The following RSPH14 variants were observed in gnomAD, a reference collection of about 807,000 sequenced individuals.
RSPH14 encodes radial spoke head 14 homolog, also known as rhabdoid tumor deletion region gene 1.
In RSPH14, 20 loss-of-function variants were observed where a neutral mutation model predicts 26.7. The observed-to-expected ratio is 0.75, with a 90% CI of 0.53 to 1.09. The LOEUF (loss-of-function observed/expected upper bound fraction) is 1.09, where lower values mean the gene tolerates loss of function less well. RSPH14 is among the 50% of genes least tolerant of loss of function. RSPH14 has a pLI of 0.00. For missense variants in RSPH14, 449 were observed against 457.2 expected (o/e 0.98, Z 0.16); for synonymous variants, 177 against 189.3 (o/e 0.93, Z 0.53).
intron 4 of RSPH14, among the ~76,000 whole-genome samples, chr22:23,103,523 G>A (rs1238305579): frequency 3.3e-5 from 5 of 152,148 alleles, no homozygotes; most frequent in African/African-American, 2.4e-5. Context: ...GCATCTGTTC[G>A]TGTTTACCCC....
the RSPH14 span, among the ~76,000 whole-genome samples, chr22:23,167,955 C>T: frequency 6.6e-6 from 1 of 152,052 alleles, no homozygotes; most frequent in Non-Finnish European, 1.5e-5. Context: ...CAAGCAATCC[C>T]CCCACCCCAG....
chr22:23,115,421 T>G (rs1305545165), intron 4 of RSPH14, among the ~76,000 whole-genome samples: 1 of 151,902 alleles, frequency 6.6e-6, no homozygotes, highest in Admixed American at 6.6e-5. Context: ...AGGGTCAGGG[T>G]TTGGGAAGGG....
intron 4 of RSPH14, chr22:23,124,480 T>A (rs1445123973): frequency 2.4e-6 from 1 of 410,750 alleles, no homozygotes; most frequent in African/African-American, 2.1e-5. Flanking sequence ...AGTGTCCTCT[T>A]GTTAATGGTG....
the RSPH14 span, chr22:23,156,359 A>G: frequency 1.6e-5 from 4 of 249,178 alleles, no homozygotes; most frequent in South Asian, 3.8e-5. Context: ...CTCCAGGGGG[A>G]GGTCGGAGGA....
the RSPH14 span, chr22:23,179,805 G>C: frequency 4.8e-6 from 1 of 208,070 alleles, no homozygotes; most frequent in East Asian, 1.0e-4. Flanking sequence ...CTGCCTTGCG[G>C]GGTGACCTGC....
At chr22:23,144,575 A>G (rs756391372), upstream of RSPH14, among the ~76,000 whole-genome samples, 5 of 152,146 alleles carry the variant, frequency 3.3e-5, no homozygotes, top group Non-Finnish European at 5.9e-5. Context: ...AAACAGAGCC[A>G]GGTGTGGTGG....
Position 23,123,254 on chromosome 22 carries a change from C to T in RSPH14, c.421+10772G>A, listed in dbSNP as rs146853897. On this transcript the variant is annotated intron_variant, in intron 4 of 6. Transcript: ENST00000216036. ...CCGAGTACAAGGGCCAGAACACGTA[C>T]GAGGAGGCCGCTGTCTACATCCAGC... 1.4e-4 allele frequency: 233 copies of T among 1,614,130 alleles called. 1 individual carries two copies. The African/African-American group carries it at 1.8e-3, about 13-fold the overall frequency.
intron 1 of RSPH14, among the ~76,000 whole-genome samples, chr22:23,141,051 C>T (rs2070590269): frequency 6.6e-6 from 1 of 152,138 alleles, no homozygotes; most frequent in Non-Finnish European, 1.5e-5. Context: ...GATTTATGGC[C>T]ACGCGCAGTG....
chr22:23,175,098 G>GC, the RSPH14 span, among the ~76,000 whole-genome samples: 1 of 150,358 alleles, frequency 6.7e-6, no homozygotes, highest in Non-Finnish European at 1.5e-5. Flanking sequence ...CTGGGTTCAC[G>GC]CCATTCTCCT....
chr22:23,099,615 G>A (rs954920465), intron 4 of RSPH14, among the ~76,000 whole-genome samples: 2 of 152,260 alleles, frequency 1.3e-5, no homozygotes, highest in African/African-American at 4.8e-5. Context: ...CAGCCCTCAA[G>A]TCCACAAGGA....
In RSPH14 at chr22:23,066,284, G is replaced by C. The variant is rs1364004805; in HGVS notation, c.422-2151C>G. Among the ~76,000 whole-genome samples, 2 of 152,146 alleles carry C rather than the reference G, an allele frequency of 1.3e-5. 1 individual carries two copies. Among genetic ancestry groups the C allele is most frequent in the Non-Finnish European group, 2.9e-5 (2 of 68,034 alleles). ...CAGGTGTCATTGCTGAGTCAGGATG[G>C]GCACAAGTTAGGGGAGGAATATAGA... On this transcript the variant is annotated intron_variant, in intron 4 of 6. Transcript: ENST00000216036.
chr22:23,152,388 A>C, the RSPH14 span: 1 of 1,487,806 alleles, frequency 6.7e-7, no homozygotes, highest in East Asian at 2.3e-5. Flanking sequence ...AGCTCAGGGA[A>C]GGAAGGGGCT....
intron 4 of RSPH14, among the ~76,000 whole-genome samples, chr22:23,081,891 C>T (rs188373651): frequency 0.042 from 6,315 of 150,186 alleles, 483 homozygotes; most frequent in African/African-American, 0.15. Flanking sequence ...TTTGGGGGGC[C>T]GAGGCGGGCG....
intron 4 of RSPH14, among the ~76,000 whole-genome samples, chr22:23,070,963 G>T (rs2068353125): frequency 6.6e-6 from 1 of 152,100 alleles, no homozygotes; most frequent in Non-Finnish European, 1.5e-5. Context: ...CGCTGAGGCG[G>T]GTCTCCCTAG....
chr22:23,081,845 G>C (rs887738493), intron 4 of RSPH14, among the ~76,000 whole-genome samples: 1 of 130,576 alleles, frequency 7.7e-6, no homozygotes, highest in Admixed American at 7.9e-5. Flanking sequence ...AAAAAAAAAG[G>C]CCAGGCGCAG....
chr22:23,076,768 G>A (rs2068515946), intron 4 of RSPH14, among the ~76,000 whole-genome samples: 1 of 152,246 alleles, frequency 6.6e-6, no homozygotes, highest in Non-Finnish European at 1.5e-5. Flanking sequence ...GGTAGTAAAG[G>A]AACATGATGA....
the RSPH14 span, among the ~76,000 whole-genome samples, chr22:23,157,691 C>T: frequency 5.9e-5 from 9 of 152,358 alleles, no homozygotes; most frequent in East Asian, 1.7e-3. Flanking sequence ...CCTGAGCTCC[C>T]TTAGCCGTAA....
chr22:23,122,473 TGGCCTCTGGCTGGTGTTTCCTTCCCAG>T (rs1278531215), intron 4 of RSPH14: 2 of 153,148 alleles, frequency 1.3e-5, no homozygotes, highest in African/African-American at 4.8e-5. Context: ...GGGAGGAGCC[TGGCCTCTGGCTGGTGTTTCCTTCCCAG>T]CTCTCAAGAA....
chr22:23,065,394 C>T (rs1239018805), intron 4 of RSPH14, among the ~76,000 whole-genome samples: 1 of 152,050 alleles, frequency 6.6e-6, no homozygotes, highest in Non-Finnish European at 1.5e-5. Flanking sequence ...CTTCCAGTGC[C>T]CCTGGCCAGC....
Sources: gnomAD v4.1 joint callset for allele counts (sites outside exome capture counted in the v4.1 genomes callset) on GRCh38, gnomAD v4.1.1 for gene constraint, MANE v1.5 for transcripts, NCBI Gene and HGNC (gene_info 2026-07-23, HGNC 2026-07-21) for gene names.